Variants in NRXN3 observed in about 807,000 individuals in gnomAD.
NRXN3 encodes neurexin III.
In NRXN3, 32 loss-of-function variants were observed where a neutral mutation model predicts 137.6. The observed-to-expected ratio is 0.23, with a 90% CI of 0.18 to 0.31. The LOEUF (loss-of-function observed/expected upper bound fraction) is 0.31, where lower values mean the gene tolerates loss of function less well. NRXN3 is among the 10% of genes least tolerant of loss of function. The pLI is 1.00. For missense variants in NRXN3, 1,574 were observed against 2,062.5 expected, an observed-to-expected ratio of 0.76 and a Z score of 4.59; for synonymous variants, 798 against 784.5, an observed-to-expected ratio of 1.02 and a Z score of -0.29.
At chr14:79,109,072 A>T (rs1367844679) in intron 15 of NRXN3, among the ~76,000 whole-genome samples, 1 of 152,184 alleles carries the variant, frequency 6.6e-6, no homozygotes, top group Non-Finnish European at 1.5e-5. Context: ...CAAAGACGTT[A>T]TTCTTTTAAG....
intron 10 of NRXN3, among the ~76,000 whole-genome samples, chr14:78,869,895 A>G (rs1159207160): frequency 3.9e-5 from 6 of 152,206 alleles, no homozygotes; most frequent in Non-Finnish European, 8.8e-5. Flanking sequence ...AATGGGCTCA[A>G]CTCTGTATAT....
In NRXN3 at chr14:78,685,926, G is replaced by A. The variant is rs897655457; in HGVS notation, c.1222-23291G>A. ...GGCCTCCCAAAGTGCTGGGATTACA[G>A]GCGTGTGCCACCGCACCCGGCCATG... On this transcript the variant is annotated intron_variant, in intron 6 of 20. Coordinates refer to ENST00000335750, the MANE Select transcript of NRXN3 (RefSeq NM_001330195.2). Among the ~76,000 whole-genome samples, 11 of 151,744 alleles carry A rather than the reference G, an allele frequency of 7.2e-5. No individual in the cohort carries two copies. The South Asian group carries it at 2.3e-3, about 32-fold the overall frequency.
intron 16 of NRXN3, among the ~76,000 whole-genome samples, chr14:79,612,848 A>G (rs2098118856): frequency 6.6e-6 from 1 of 152,218 alleles, no homozygotes; most frequent in African/African-American, 2.4e-5. Context: ...CCTGTCTCTA[A>G]AATAATAATA....
At chr14:79,105,380 T>C (rs2052217739) in intron 15 of NRXN3, among the ~76,000 whole-genome samples, 1 of 152,138 alleles carries the variant, frequency 6.6e-6, no homozygotes, top group Admixed American at 6.6e-5. Flanking sequence ...CATAAAAGAG[T>C]AAAAATTTTC....
At chr14:79,323,025 T>C (rs1480728704) in intron 15 of NRXN3, among the ~76,000 whole-genome samples, 1 of 152,104 alleles carries the variant, frequency 6.6e-6, no homozygotes, top group Non-Finnish European at 1.5e-5. Flanking sequence ...ATACATACAC[T>C]GAATGGTGAC....
intron 17 of NRXN3, among the ~76,000 whole-genome samples, chr14:79,690,990 T>C (rs2098714443): frequency 6.6e-6 from 1 of 152,128 alleles, no homozygotes; most frequent in Non-Finnish European, 1.5e-5. Context: ...AGTTGCAATA[T>C]AGGCCTATGA....
At chr14:78,530,492 T>G (rs537140185) in intron 4 of NRXN3, among the ~76,000 whole-genome samples, 1 of 152,106 alleles carries the variant, frequency 6.6e-6, no homozygotes, top group African/African-American at 2.4e-5. Context: ...TGGAAAAGGG[T>G]TGCCCTGGAA....
At chr14:78,985,482 T>C (rs2099501013) in intron 14 of NRXN3, among the ~76,000 whole-genome samples, 1 of 152,204 alleles carries the variant, frequency 6.6e-6, no homozygotes, top group Non-Finnish European at 1.5e-5. Flanking sequence ...GGAGAATTAT[T>C]GTTTGAAGTT....
At chr14:79,114,730 G>A (rs1330636583) in intron 15 of NRXN3, among the ~76,000 whole-genome samples, 1 of 152,076 alleles carries the variant, frequency 6.6e-6, no homozygotes, top group Admixed American at 6.6e-5. Flanking sequence ...GACTTGCTAT[G>A]TTGCTCAGGC....
At chr14:79,574,854 A>G (rs923186201) in intron 16 of NRXN3, among the ~76,000 whole-genome samples, 5 of 152,176 alleles carry the variant, frequency 3.3e-5, no homozygotes, top group African/African-American at 1.2e-4. Flanking sequence ...TTGAGACTCA[A>G]TGAGATTAGA....
chr14:78,463,769 T>G (rs1445424497), intron 4 of NRXN3, among the ~76,000 whole-genome samples: 1 of 118,514 alleles, frequency 8.4e-6, no homozygotes, highest in East Asian at 2.2e-4. Flanking sequence ...TTCCTGTGGT[T>G]GTTGTTGGGA....
At chr14:79,459,821 A>T (rs185612951) in intron 15 of NRXN3, among the ~76,000 whole-genome samples, 1 of 152,038 alleles carries the variant, frequency 6.6e-6, no homozygotes, top group Non-Finnish European at 1.5e-5. Context: ...AATTGTCCCA[A>T]AGGAAAAACA....
chr14:78,468,419 T>C (rs1599054374), intron 4 of NRXN3, among the ~76,000 whole-genome samples: 1 of 152,140 alleles, frequency 6.6e-6, no homozygotes, highest in Non-Finnish European at 1.5e-5. Context: ...TGAGATGGTT[T>C]GGCTTTGCTC....
chr14:79,303,137 G>A (rs541302030), intron 15 of NRXN3, among the ~76,000 whole-genome samples: 83 of 152,110 alleles, frequency 5.5e-4, no homozygotes, highest in Admixed American at 1.4e-3. Flanking sequence ...CTCCTACTGC[G>A]CTACCCTGCC....
chr14:78,425,023 C>T (rs971912064), intron 4 of NRXN3, among the ~76,000 whole-genome samples: 3 of 152,120 alleles, frequency 2.0e-5, no homozygotes, highest in African/African-American at 4.8e-5. Context: ...TCAGCTTCCT[C>T]GAGATGGATC....
chr14:78,278,317 C>T (rs995366430), intron 2 of NRXN3, among the ~76,000 whole-genome samples: 8 of 152,142 alleles, frequency 5.3e-5, no homozygotes, highest in Non-Finnish European at 1.2e-4. Flanking sequence ...AATATTTTAA[C>T]CAATATTCTT....
At chr14:78,904,445 T>C (rs912961605) in intron 10 of NRXN3, among the ~76,000 whole-genome samples, 8 of 152,096 alleles carry the variant, frequency 5.3e-5, no homozygotes, top group African/African-American at 1.9e-4. Context: ...ATTGAGTTTA[T>C]ACACCAACCA....
intron 15 of NRXN3, among the ~76,000 whole-genome samples, chr14:79,020,110 T>G (rs2099586140): frequency 6.9e-6 from 1 of 144,944 alleles, no homozygotes. Flanking sequence ...GGCTTCAAGG[T>G]TGCTTTCTTT....
Position 79,358,833 on chromosome 14 carries a change from G to GA in NRXN3, c.3263-108387dup, listed in dbSNP as rs200550428. On this transcript the variant is annotated intron_variant, in intron 15 of 20. Coordinates refer to ENST00000335750, the MANE Select transcript of NRXN3 (RefSeq NM_001330195.2). ...AGGCCAAACCACTACTAACTCTCCT[G>GA]ACCCTCTGCCTTATCCTCATACCCT... Among the ~76,000 whole-genome samples, 92 of 152,100 alleles carry GA rather than the reference G, an allele frequency of 6.0e-4. No individual in the cohort carries two copies. In the East Asian group the frequency reaches 0.018, roughly 29 times the overall value.
Sources: allele counts gnomAD v4.1 joint callset (sites outside exome capture counted in the v4.1 genomes callset), GRCh38; gene constraint gnomAD v4.1.1; transcripts MANE v1.5; gene names NCBI Gene and HGNC (gene_info 2026-07-23, HGNC 2026-07-21).